The following DGKI variants were observed in gnomAD, a reference collection of about 807,000 sequenced individuals.
The protein encoded by DGKI is diacylglycerol kinase iota, also known as DAG kinase iota.
Under a neutral mutation model 147.5 loss-of-function variants are expected in DGKI, and 55 were observed. The ratio of observed to expected loss-of-function variants is 0.37; its 90% CI spans 0.30 to 0.47. The LOEUF (loss-of-function observed/expected upper bound fraction) is 0.47. DGKI is among the 20% of genes least tolerant of loss of function. DGKI has a pLI of 1.00. For missense variants in DGKI, 1,007 were observed against 1,323.8 expected (o/e 0.76, Z 3.71); for synonymous variants, 469 against 477.1 (o/e 0.98, Z 0.22).
chr7:137,573,197 T>C (rs1278120766), intron 17 of DGKI, among the ~76,000 whole-genome samples: 2 of 152,108 alleles, frequency 1.3e-5, no homozygotes, highest in African/African-American at 4.8e-5. Flanking sequence ...CTTAAAAGAA[T>C]GAAAAGAAAA....
chr7:137,446,219 C>A (rs770797936), intron 27 of DGKI, among the ~76,000 whole-genome samples: 1 of 152,206 alleles, frequency 6.6e-6, no homozygotes, highest in Non-Finnish European at 1.5e-5. Context: ...CTGAAAAATT[C>A]CAGATGGCTC....
At chr7:137,416,937 T>A (rs748881130) in intron 28 of DGKI, among the ~76,000 whole-genome samples, 1 of 152,206 alleles carries the variant, frequency 6.6e-6, no homozygotes, top group Non-Finnish European at 1.5e-5. Flanking sequence ...GGGTAGCTAT[T>A]ATGCAAACAT....
chr7:137,564,469 T>C (rs1585235700), intron 19 of DGKI, among the ~76,000 whole-genome samples: 2 of 152,190 alleles, frequency 1.3e-5, no homozygotes, highest in Admixed American at 6.5e-5. Context: ...TTTTAATAAA[T>C]AAATCTGTCA....
At chr7:137,829,476 G>A (rs187413485) in intron 1 of DGKI, among the ~76,000 whole-genome samples, 232 of 152,248 alleles carry the variant, frequency 1.5e-3, no homozygotes, top group Non-Finnish European at 1.6e-3. Flanking sequence ...ATCCCACAAC[G>A]CTGTGCTGTT....
intron 1 of DGKI, among the ~76,000 whole-genome samples, chr7:137,782,088 C>G (rs906018828): frequency 1.3e-5 from 2 of 152,140 alleles, no homozygotes; most frequent in Non-Finnish European, 2.9e-5. Context: ...CTGAGAAAAT[C>G]CACAGACCCT....
chr7:137,762,084 G>C (rs558578375), intron 1 of DGKI, among the ~76,000 whole-genome samples: 2 of 152,294 alleles, frequency 1.3e-5, no homozygotes, highest in South Asian at 4.2e-4. Context: ...CTGGCCTAGA[G>C]TGTCAAATGT....
chr7:137,754,253 G>A (rs181955058), intron 1 of DGKI, among the ~76,000 whole-genome samples: 1 of 152,150 alleles, frequency 6.6e-6, no homozygotes, highest in African/African-American at 2.4e-5. Flanking sequence ...TGGAGGAAGA[G>A]TATCAGCCTC....
intron 10 of DGKI, among the ~76,000 whole-genome samples, chr7:137,603,997 C>A (rs1820085806): frequency 6.6e-6 from 1 of 152,068 alleles, no homozygotes; most frequent in African/African-American, 2.4e-5. Flanking sequence ...TTCTCCCAGA[C>A]TGACATTTTT....
chr7:137,467,963 AAC>A (rs932058969), intron 24 of DGKI, among the ~76,000 whole-genome samples: 5 of 151,750 alleles, frequency 3.3e-5, no homozygotes, highest in Admixed American at 3.3e-4. Context: ...CAGCCTGGGC[AAC>A]AGAGTCAGAC....
chr7:137,540,967 A>C (rs1352246679), intron 20 of DGKI, among the ~76,000 whole-genome samples: 1 of 152,160 alleles, frequency 6.6e-6, no homozygotes, highest in Non-Finnish European at 1.5e-5. Context: ...CCCCAAGTTG[A>C]TCTATAGACT....
At chr7:137,842,893 G>A (rs1563223243) in intron 1 of DGKI, among the ~76,000 whole-genome samples, 2 of 152,210 alleles carry the variant, frequency 1.3e-5, no homozygotes, top group South Asian at 2.1e-4. Context: ...TTACAGATGA[G>A]GGGGAAGATA....
intron 19 of DGKI, among the ~76,000 whole-genome samples, 167 bp from the exon 20 acceptor site, chr7:137,552,735 C>T (rs1818090723): frequency 6.7e-6 from 1 of 150,174 alleles, no homozygotes; most frequent in Admixed American, 6.6e-5. Context: ...ATGGCGAGAC[C>T]CGGTCTCTAC....
At chr7:137,440,677 A>T (rs1218571002) in intron 28 of DGKI, among the ~76,000 whole-genome samples, 1 of 152,232 alleles carries the variant, frequency 6.6e-6, no homozygotes, top group Admixed American at 6.5e-5. Context: ...TACATTGACT[A>T]CAGAGTGTTA....
Position 137,609,001 on chromosome 7 carries a change from G to C in DGKI, c.1132C>G (p.Leu378Val). Reference protein sequence around the residue: ...PISSPLMKPLLVFVNPKSGGN... With the variant: ...PISSPLMKPLVVFVNPKSGGN... ...CCACTCTTGGGATTCACAAATACAA[G>C]CAAGGGTTTCATGAGAGGAGAAGAG... Residue 378 changes from leucine (L) to valine (V), a missense_variant, in exon 10 of 33, where the codon CTT (leucine) becomes GTT (valine). Coordinates refer to ENST00000614521, the MANE Select transcript of DGKI (RefSeq NM_001321708.2). 1.2e-6 allele frequency: 2 copies of C among 1,613,634 alleles called. No homozygotes were observed. The highest frequency in any genetic ancestry group is 1.7e-6 in the Non-Finnish European group (2 of 1,179,664).
chr7:137,595,045 T>C (rs1009267235), intron 12 of DGKI, among the ~76,000 whole-genome samples: 2 of 152,196 alleles, frequency 1.3e-5, no homozygotes, highest in Non-Finnish European at 2.9e-5. Flanking sequence ...AAATGACTAG[T>C]ACATTTGTGA....
At chr7:137,601,122 T>G (rs1452050687) in intron 10 of DGKI, among the ~76,000 whole-genome samples, 1 of 149,728 alleles carries the variant, frequency 6.7e-6, no homozygotes, top group Admixed American at 6.6e-5. Flanking sequence ...ACACAAAAAA[T>G]TAGCCGGGCA....
intron 28 of DGKI, among the ~76,000 whole-genome samples, chr7:137,427,840 G>A (rs1390582378): frequency 6.6e-6 from 1 of 152,066 alleles, no homozygotes; most frequent in African/African-American, 2.4e-5. Context: ...ACCCTCCCAA[G>A]ACTAAACCAG....
At chr7:137,790,511 A>G (rs1250385363) in intron 1 of DGKI, among the ~76,000 whole-genome samples, 1 of 152,246 alleles carries the variant, frequency 6.6e-6, no homozygotes, top group African/African-American at 2.4e-5. Flanking sequence ...ATAGATAAAA[A>G]GCTCAGATGC....
At chr7:137,708,474 T>C (rs540671970) in intron 1 of DGKI, among the ~76,000 whole-genome samples, 2 of 152,330 alleles carry the variant, frequency 1.3e-5, no homozygotes, top group South Asian at 4.1e-4. Context: ...AAACTTAGAA[T>C]GTAGGATACT....
Sources: allele counts gnomAD v4.1 joint callset (sites outside exome capture counted in the v4.1 genomes callset), GRCh38; gene constraint gnomAD v4.1.1; transcripts MANE v1.5; gene names NCBI Gene and HGNC (gene_info 2026-07-23, HGNC 2026-07-21).